Variants in ADGRL2 observed in about 807,000 individuals in gnomAD.
The protein encoded by ADGRL2 is calcium-independent alpha-latrotoxin receptor 2.
ADGRL2 carries 44 observed loss-of-function variants against 157.4 expected under a neutral mutation model. The ratio of observed to expected loss-of-function variants is 0.28; its 90% CI spans 0.22 to 0.36. The LOEUF is 0.36. ADGRL2 is among the 10% of genes least tolerant of loss of function. The pLI, the probability that ADGRL2 is intolerant of heterozygous loss-of-function variation, is 1.00. For synonymous variants in ADGRL2, 585 were observed against 624.7 expected (o/e 0.94, Z 0.95); for missense variants, 1,510 against 1,768.9 (o/e 0.85, Z 2.63).
chr1:81,786,525 A>C (rs769049361), intron 2 of ADGRL2, among the ~76,000 whole-genome samples: 1 of 152,180 alleles, frequency 6.6e-6, no homozygotes, highest in Non-Finnish European at 1.5e-5. Flanking sequence ...GCAGTGAGCC[A>C]AGATCGTGCC....
intron 1 of ADGRL2, among the ~76,000 whole-genome samples, chr1:81,725,014 G>A (rs1380071122): frequency 6.6e-6 from 1 of 151,690 alleles, no homozygotes. Flanking sequence ...GACCAGCCTG[G>A]CCAACATAGT....
intron 2 of ADGRL2, among the ~76,000 whole-genome samples, chr1:81,874,002 C>A (rs1429535196): frequency 3.3e-5 from 5 of 152,066 alleles, no homozygotes; most frequent in Non-Finnish European, 7.4e-5. Context: ...CTCCAGATTT[C>A]TATGTAATGT....
intron 1 of ADGRL2, chr1:81,427,732 A>G (rs879531126): frequency 1.8e-5 from 7 of 388,804 alleles, no homozygotes; most frequent in Non-Finnish European, 2.8e-5. Context: ...AATCTGCCAG[A>G]GGGAACAATG....
At chr1:81,803,728 C>T (rs1043555537) in intron 1 of ADGRL2, among the ~76,000 whole-genome samples, 2 of 152,114 alleles carry the variant, frequency 1.3e-5, no homozygotes, top group African/African-American at 2.4e-5. Flanking sequence ...GTTACAAAGG[C>T]CAGGTTCTAA....
chr1:81,599,399 A>C (rs2081294919), intron 3 of ADGRL2, among the ~76,000 whole-genome samples: 2 of 152,098 alleles, frequency 1.3e-5, no homozygotes, highest in South Asian at 4.1e-4. Context: ...GCTCCTGTGT[A>C]CTCTAAGATA....
At chr1:81,608,822 A>G (rs1042585564) in intron 3 of ADGRL2, among the ~76,000 whole-genome samples, 1 of 151,996 alleles carries the variant, frequency 6.6e-6, no homozygotes, top group Non-Finnish European at 1.5e-5. Context: ...TCTCTGTTCT[A>G]TTCCTTCACC....
intron 2 of ADGRL2, among the ~76,000 whole-genome samples, chr1:81,883,981 CA>C (rs1324752039): frequency 7.9e-6 from 1 of 127,122 alleles, no homozygotes; most frequent in Non-Finnish European, 1.6e-5. Flanking sequence ...TCTTTGTTTT[CA>C]TATGAAATTG....
chr1:81,741,762 A>T (rs1281836952), intron 1 of ADGRL2, among the ~76,000 whole-genome samples: 6 of 152,010 alleles, frequency 3.9e-5, no homozygotes, highest in African/African-American at 7.2e-5. Context: ...TGTCAGAGCC[A>T]TGCCTCAGAA....
At chr1:81,913,403 A>G (rs1223446389) in intron 3 of ADGRL2, among the ~76,000 whole-genome samples, 2 of 152,176 alleles carry the variant, frequency 1.3e-5, no homozygotes, top group East Asian at 1.9e-4. Flanking sequence ...ATACTTCCAC[A>G]TTCAGTTAGA....
chr1:81,491,687 G>T (rs980512410), intron 2 of ADGRL2, among the ~76,000 whole-genome samples: 8 of 152,228 alleles, frequency 5.3e-5, no homozygotes, highest in South Asian at 4.1e-4. Context: ...AATAGAAAAG[G>T]TGCTAAAAGA....
chr1:81,961,900 A>C (rs2149229321), intron 11 of ADGRL2, among the ~76,000 whole-genome samples: 1 of 152,298 alleles, frequency 6.6e-6, no homozygotes, highest in South Asian at 2.1e-4. Flanking sequence ...GTTTCTAAGA[A>C]TGTACCAGAA....
intron 1 of ADGRL2, among the ~76,000 whole-genome samples, chr1:81,741,285 T>C (rs1205414382): frequency 6.6e-6 from 1 of 152,048 alleles, no homozygotes; most frequent in Non-Finnish European, 1.5e-5. Context: ...ATTTTATGAT[T>C]TCCTATGAAT....
intron 2 of ADGRL2, among the ~76,000 whole-genome samples, chr1:81,522,806 T>A (rs2148178552): frequency 6.6e-6 from 1 of 152,330 alleles, no homozygotes; most frequent in East Asian, 1.9e-4. Context: ...TTGATTGTTT[T>A]GTATTCATTA....
intron 2 of ADGRL2, among the ~76,000 whole-genome samples, chr1:81,563,235 T>C (rs2148461980): frequency 6.6e-6 from 1 of 152,310 alleles, no homozygotes; most frequent in East Asian, 1.9e-4. Flanking sequence ...TTGTAAGGCA[T>C]TACACATCAG....
rs148589008 is a variant in ADGRL2 at position 81,951,028 on chromosome 1, A to G, written c.1515A>G (p.Ser505=). ...PCPKGTRGTA[S]YLCMISTGTW... is the part of the protein sequence containing the mutation. ...CTACATCTGTTGTAGGAACTGCCTC[A>G]TATCTCTGCATGATTTCCACTGGAA... is the stretch of plus-strand genomic sequence containing the variant. Residue 505 remains serine (S), a synonymous_variant, in exon 8 of 24, where the codon TCA becomes TCG. Transcript: ENST00000686636. 211 of 1,611,314 alleles carry G rather than the reference A, an allele frequency of 1.3e-4. No homozygotes were observed. Among genetic ancestry groups the G allele is most frequent in the Admixed American group, 5.3e-4 (32 of 59,990 alleles).
intron 18 of ADGRL2, 76 bp from the exon 19 acceptor site, chr1:81,981,732 G>A: frequency 8.6e-7 from 1 of 1,159,246 alleles, no homozygotes. Context: ...TGCTACTACT[G>A]ATATGTTAAC....
intron 1 of ADGRL2, among the ~76,000 whole-genome samples, chr1:81,835,700 C>A (rs1439119314): frequency 6.6e-6 from 1 of 152,042 alleles, no homozygotes; most frequent in Non-Finnish European, 1.5e-5. Flanking sequence ...GGTGATGCCT[C>A]CCTCTCCCCT....
At chr1:81,818,905 G>C (rs2090696242) in intron 1 of ADGRL2, among the ~76,000 whole-genome samples, 1 of 152,090 alleles carries the variant, frequency 6.6e-6, no homozygotes, top group Non-Finnish European at 1.5e-5. Context: ...TTCTGAGGAG[G>C]AGAAAAGTTC....
intron 1 of ADGRL2, among the ~76,000 whole-genome samples, chr1:81,336,914 C>A (rs573073350): frequency 6.6e-6 from 1 of 152,246 alleles, no homozygotes; most frequent in African/African-American, 2.4e-5. Context: ...GCTCCACTGG[C>A]AGAGGAGCAG....
Sources: allele counts gnomAD v4.1 joint callset (sites outside exome capture counted in the v4.1 genomes callset), GRCh38; gene constraint gnomAD v4.1.1; transcripts MANE v1.5; gene names NCBI Gene and HGNC (gene_info 2026-07-23, HGNC 2026-07-21).